The following RGS6 variants were observed in gnomAD, a reference collection of about 807,000 sequenced individuals.
The protein encoded by RGS6 is regulator of G-protein signaling 6.
In RGS6, 30 loss-of-function variants were observed where a neutral mutation model predicts 78.5. The ratio of observed to expected loss-of-function variants is 0.38; its 90% CI spans 0.29 to 0.52. The LOEUF (loss-of-function observed/expected upper bound fraction) is 0.52, where lower values mean the gene tolerates loss of function less well. Ranked by LOEUF, RGS6 falls within the 20% of genes least tolerant of loss-of-function variation. The pLI is 0.85. For synonymous variants in RGS6, 206 were observed against 206.0 expected (o/e 1.00, Z 0.00); for missense variants, 495 against 609.7 (o/e 0.81, Z 1.98).
chr14:71,997,973 T>G (rs2082709299), intron 2 of RGS6, among the ~76,000 whole-genome samples: 1 of 152,212 alleles, frequency 6.6e-6, no homozygotes, highest in African/African-American at 2.4e-5. Flanking sequence ...AAGTGTATTT[T>G]GCCAAGGTTG....
chr14:72,493,284 A>G (rs2096602235), intron 12 of RGS6, among the ~76,000 whole-genome samples: 2 of 152,234 alleles, frequency 1.3e-5, no homozygotes, highest in Admixed American at 6.5e-5. Flanking sequence ...ACTTACAATA[A>G]AAGTATAGAA....
At chr14:72,290,960 G>T (rs2063474152) in intron 2 of RGS6, among the ~76,000 whole-genome samples, 1 of 152,098 alleles carries the variant, frequency 6.6e-6, no homozygotes, top group Non-Finnish European at 1.5e-5. Context: ...AGCTCTGGAA[G>T]AACAGGTGGA....
intron 2 of RGS6, among the ~76,000 whole-genome samples, chr14:72,225,043 T>A (rs2047783898): frequency 6.6e-6 from 1 of 152,362 alleles, no homozygotes; most frequent in African/African-American, 2.4e-5. Context: ...CAAGCCTAGA[T>A]GCCCCATTCA....
the RGS6 span, among the ~76,000 whole-genome samples, chr14:72,605,225 G>A: frequency 2.6e-5 from 4 of 152,198 alleles, no homozygotes. Context: ...TGGAGAAGGG[G>A]ATGGGAAGGC....
At chr14:72,488,320 G>T (rs74943082) in intron 12 of RGS6, among the ~76,000 whole-genome samples, 1 of 152,094 alleles carries the variant, frequency 6.6e-6, no homozygotes, top group Non-Finnish European at 1.5e-5. Flanking sequence ...TTTAGAGAAG[G>T]CATGACATGG....
At chr14:72,049,081 A>G (rs1012420504) in intron 2 of RGS6, among the ~76,000 whole-genome samples, 1 of 152,226 alleles carries the variant, frequency 6.6e-6, no homozygotes, top group African/African-American at 2.4e-5. Context: ...GTTGGAAAGT[A>G]GAAGAGAAAA....
At chr14:72,536,795 C>T (rs1262995280) in intron 16 of RGS6, among the ~76,000 whole-genome samples, 1 of 152,116 alleles carries the variant, frequency 6.6e-6, no homozygotes, top group Non-Finnish European at 1.5e-5. Context: ...GTTTCTCCCT[C>T]CTTGACACCC....
At chr14:72,498,554 C>T (rs899394989) in intron 13 of RGS6, among the ~76,000 whole-genome samples, 1 of 152,088 alleles carries the variant, frequency 6.6e-6, no homozygotes, top group Non-Finnish European at 1.5e-5. Flanking sequence ...TTTTTAATCT[C>T]CCCACATTTT....
chr14:72,409,754 C>T (rs1425177420), intron 3 of RGS6, among the ~76,000 whole-genome samples: 1 of 152,062 alleles, frequency 6.6e-6, no homozygotes, highest in Non-Finnish European at 1.5e-5. Context: ...TGATGTTCCC[C>T]TTCCTGTGTC....
chr14:72,117,333 C>G (rs1363200846), intron 2 of RGS6, among the ~76,000 whole-genome samples: 1 of 152,150 alleles, frequency 6.6e-6, no homozygotes, highest in Non-Finnish European at 1.5e-5. Flanking sequence ...GGTGTCCTCC[C>G]TGAGGTCATG....
chr14:72,555,821 T>TTGAC (rs1440886051), intron 17 of RGS6, among the ~76,000 whole-genome samples: 2 of 152,266 alleles, frequency 1.3e-5, no homozygotes, highest in African/African-American at 2.4e-5. Flanking sequence ...CCTCGCATGC[T>TTGAC]TGACAGACAC....
intron 17 of RGS6, among the ~76,000 whole-genome samples, 180 bp from the exon 18 acceptor site, chr14:72,562,230 GTTTCTCC>G (rs1446539259): frequency 1.3e-5 from 2 of 152,208 alleles, no homozygotes; most frequent in African/African-American, 4.8e-5. Context: ...TGGAGCCCTG[GTTTCTCC>G]AGCTGTCCAA....
chr14:72,183,923 A>G (rs912772124), intron 2 of RGS6, among the ~76,000 whole-genome samples: 56 of 152,158 alleles, frequency 3.7e-4, no homozygotes, highest in African/African-American at 1.4e-3. Flanking sequence ...TAAATATTCT[A>G]GATGATTGAT....
At chr14:71,905,055 T>C in the RGS6 span, among the ~76,000 whole-genome samples, 149,984 of 152,298 alleles carry the variant, frequency 0.98, 74,154 homozygotes, top group Middle Eastern at 1. Context: ...GGTTCTGTTA[T>C]GCACGAAAAT....
chr14:71,973,204 T>C (rs1171006630), intron 2 of RGS6, among the ~76,000 whole-genome samples: 1 of 152,222 alleles, frequency 6.6e-6, no homozygotes, highest in Non-Finnish European at 1.5e-5. Context: ...TAATCTAAAA[T>C]AGAGAAACCC....
intron 11 of RGS6, 177 bp downstream of exon 11, chr14:72,477,017 GAGAA>G: frequency 1.7e-6 from 1 of 588,052 alleles, no homozygotes; most frequent in Admixed American, 3.1e-5. Flanking sequence ...GGAAGCTTGA[GAGAA>G]AGAATTCTCT....
intron 2 of RGS6, among the ~76,000 whole-genome samples, chr14:72,225,104 C>A (rs1014602501): frequency 6.6e-6 from 1 of 152,098 alleles, no homozygotes; most frequent in Non-Finnish European, 1.5e-5. Context: ...ACTGAAGGTG[C>A]GTTTGATGAA....
chr14:72,499,677 G>GT (rs997455810), intron 13 of RGS6, among the ~76,000 whole-genome samples: 1,665 of 148,566 alleles, frequency 0.011, 28 homozygotes, highest in African/African-American at 0.034. Flanking sequence ...TTTGTTTGTT[G>GT]TTTTTTTTTT....
intron 3 of RGS6, among the ~76,000 whole-genome samples, chr14:72,436,180 T>C (rs777505265): frequency 6.6e-6 from 1 of 152,146 alleles, no homozygotes; most frequent in African/African-American, 2.4e-5. Flanking sequence ...AGAGAAACAT[T>C]AAGATATAAA....
Sources: allele counts gnomAD v4.1 joint callset (sites outside exome capture counted in the v4.1 genomes callset), GRCh38; gene constraint gnomAD v4.1.1; transcripts MANE v1.5; gene names NCBI Gene and HGNC (gene_info 2026-07-23, HGNC 2026-07-21).